The following SLC7A14 variants were observed in gnomAD, a reference collection of about 807,000 sequenced individuals.
SLC7A14 encodes gamma-aminobutyric acid transporter SLC7A14.
Under a neutral mutation model 60.2 loss-of-function variants are expected in SLC7A14, and 37 were observed. That is an observed-to-expected ratio of 0.61 (90% CI 0.47 to 0.81). The LOEUF is 0.81. Ranked by LOEUF, SLC7A14 falls within the 30% of genes least tolerant of loss-of-function variation. The pLI is 0.00. For missense variants in SLC7A14, 886 were observed against 982.7 expected, an observed-to-expected ratio of 0.90 and a Z score of 1.32; for synonymous variants, 399 against 395.8, an observed-to-expected ratio of 1.01 and a Z score of -0.10.
chr3:170,563,417 G>GTTTTTTTTTTTT (rs67991294), intron 1 of SLC7A14, among the ~76,000 whole-genome samples: 1 of 111,908 alleles, frequency 8.9e-6, no homozygotes, highest in Non-Finnish European at 1.9e-5. Flanking sequence ...TTGTTTGTTT[G>GTTTTTTTTTTTT]TTTTTTTTTT....
intron 2 of SLC7A14, among the ~76,000 whole-genome samples, chr3:170,521,377 G>C (rs575449908): frequency 1.3e-5 from 2 of 152,280 alleles, no homozygotes; most frequent in African/African-American, 4.8e-5. Flanking sequence ...CCATTATGTT[G>C]GTGCAAAAGT....
At position 170,467,282 on chromosome 3, in the gene SLC7A14, C is replaced by T. The variant is rs751687361; in HGVS notation, c.2089G>A (p.Asp697Asn). 5.0e-6 allele frequency: 8 copies of T among 1,614,120 alleles called. No homozygotes were observed. In the East Asian group the frequency reaches 8.9e-5, roughly 18 times the overall value. ...ALHQSTYQRY[D>N]VDDPFSVEEG... ...TCCACTGAGAAGGGGTCATCCACGT[C>T]GTAGCGTTGGTACGTGCTTTGGTGC... The change falls in exon 8 of 8, where the codon GAC (aspartate) becomes AAC (asparagine). Residue 697 changes from aspartate (D) to asparagine (N), a missense_variant. Asp to Asn is a conservative substitution (Grantham distance 23, BLOSUM62 1). Transcript: ENST00000231706.
chr3:170,476,559 T>C (rs1282550535), intron 7 of SLC7A14, among the ~76,000 whole-genome samples: 1 of 152,218 alleles, frequency 6.6e-6, no homozygotes, highest in Non-Finnish European at 1.5e-5. Context: ...CTCTGCCTGA[T>C]AGCTGGAAGG....
chr3:170,530,093 G>A (rs1435641388), intron 1 of SLC7A14, among the ~76,000 whole-genome samples: 3 of 152,158 alleles, frequency 2.0e-5, no homozygotes, highest in East Asian at 3.8e-4. Flanking sequence ...AGCACAAATT[G>A]CAAAAACCGC....
intron 1 of SLC7A14, among the ~76,000 whole-genome samples, chr3:170,574,712 G>A (rs1276020833): frequency 1.3e-5 from 2 of 152,236 alleles, no homozygotes; most frequent in Non-Finnish European, 2.9e-5. Context: ...ATGAACCTCA[G>A]AGCACATGCA....
intron 1 of SLC7A14, among the ~76,000 whole-genome samples, chr3:170,561,605 T>C (rs1194753254): frequency 6.6e-6 from 1 of 152,246 alleles, no homozygotes; most frequent in African/African-American, 2.4e-5. Flanking sequence ...TGAAAAATGC[T>C]ACATGGAAAA....
At chr3:170,514,807 A>G (rs1420519407) in intron 2 of SLC7A14, among the ~76,000 whole-genome samples, 1 of 152,220 alleles carries the variant, frequency 6.6e-6, no homozygotes. Context: ...AAACTGGCCA[A>G]TACTCTTGGT....
chr3:170,571,174 C>A (rs1330553117), intron 1 of SLC7A14, among the ~76,000 whole-genome samples: 1 of 152,198 alleles, frequency 6.6e-6, no homozygotes, highest in African/African-American at 2.4e-5. Flanking sequence ...CTTCTGCCAT[C>A]AGTTCTCCCA....
rs71176570 is a variant in SLC7A14, at chr3:170,512,654, A to ATTTTTTTTTTTT, written c.305-11321_305-11310dup. 4.0e-4 allele frequency among the ~76,000 whole-genome samples: 25 copies of ATTTTTTTTTTTT among 63,166 alleles called. 1 individual carries two copies. Among genetic ancestry groups the ATTTTTTTTTTTT allele is most frequent in the Admixed American group, 5.4e-4 (2 of 3,672 alleles). The allele number at this position is 63,166 out of a possible 152,430, so 41.4% of individuals were successfully genotyped here. ...TATAGGGCACATGTGTACAATTTGCATTTTTTTTTTTTTTTTTTTTTTTTT... is the reference window on the plus strand; with the variant it reads ...TATAGGGCACATGTGTACAATTTGCATTTTTTTTTTTTTTTTTTTTTTTTTTTTTTTTTTTTT... On this transcript the variant is annotated intron_variant, in intron 2 of 7. Transcript: ENST00000231706.
chr3:170,469,389 G>C (rs1198533137), intron 7 of SLC7A14, among the ~76,000 whole-genome samples: 1 of 152,096 alleles, frequency 6.6e-6, no homozygotes, highest in African/African-American at 2.4e-5. Context: ...CAGATTTATA[G>C]TCCTAATTGG....
At chr3:170,494,166 AGATCTGTGTCTTT>A (rs1219252432) in intron 4 of SLC7A14, among the ~76,000 whole-genome samples, 16 of 152,240 alleles carry the variant, frequency 1.1e-4, no homozygotes, top group Non-Finnish European at 2.1e-4. Context: ...CTTACCATCT[AGATCTGTGTCTTT>A]AACTTTTCTA....
At chr3:170,548,876 A>C (rs1454807492) in intron 1 of SLC7A14, among the ~76,000 whole-genome samples, 2 of 119,758 alleles carry the variant, frequency 1.7e-5, no homozygotes, top group Non-Finnish European at 4.0e-5. Flanking sequence ...TTATGTAATA[A>C]ATTAATTAAT....
At position 170,498,780 on chromosome 3, in the gene SLC7A14, C is replaced by T. The variant is rs1712495843; in HGVS notation, c.646G>A (p.Val216Ile). 6.2e-7 allele frequency: 1 copy of T among 1,614,074 alleles called. No individual in the cohort carries two copies. The highest frequency in any genetic ancestry group is 1.3e-5 in the African/African-American group (1 of 74,922). ...ACTGCCAGGTTCAGCACATTGAGAA[C>T]ATTGTTGAAGCCTATGGAATTCTTC... ...GVKNSIGFNN[V>I]LNVLNLAVWV... Residue 216 changes from valine to isoleucine, a missense_variant, in exon 4 of 8, where the codon GTT becomes ATT. Val to Ile is a conservative substitution (Grantham distance 29, BLOSUM62 3). Transcript: ENST00000231706.
At chr3:170,576,821 G>C (rs937759169) in intron 1 of SLC7A14, among the ~76,000 whole-genome samples, 6 of 152,154 alleles carry the variant, frequency 3.9e-5, no homozygotes, top group Non-Finnish European at 5.9e-5. Flanking sequence ...AAAGTCAGTA[G>C]TAACTCCCCT....
Position 170,585,180 on chromosome 3 carries a change from A to C in SLC7A14, c.-153+731T>G, listed in dbSNP as rs1333447176. Reference sequence around the variant, plus strand: ...GCTTTGGAATGGGAGAAGAGAGGAGACTGAGGGTTGAAGCAGTGCAGGAGA... The same window carrying C: ...GCTTTGGAATGGGAGAAGAGAGGAGCCTGAGGGTTGAAGCAGTGCAGGAGA... On this transcript the variant is annotated intron_variant, in intron 1 of 7. Transcript: ENST00000231706. This position sits in a 1 kb window ranked among gnomAD's most constrained non-coding sequence, Gnocchi z 5.1. Among the ~76,000 whole-genome samples, 1 of 151,984 alleles carries C rather than the reference A, an allele frequency of 6.6e-6. No homozygotes were observed. The highest frequency in any genetic ancestry group is 1.9e-4 in the East Asian group (1 of 5,150).
At chr3:170,491,441 A>T (rs564176411) in intron 4 of SLC7A14, among the ~76,000 whole-genome samples, 1,885 of 152,338 alleles carry the variant, frequency 0.012, 41 homozygotes, top group African/African-American at 0.043. Context: ...GTTCTACCAC[A>T]TTAGGCAGTC....
At chr3:170,479,639 A>G (rs1232662418) in intron 7 of SLC7A14, among the ~76,000 whole-genome samples, 1 of 152,252 alleles carries the variant, frequency 6.6e-6, no homozygotes, top group African/African-American at 2.4e-5. Context: ...GAAAATCAGT[A>G]AGGATGGTGG....
chr3:170,505,373 C>T lies in SLC7A14; in HGVS notation c.305-4028G>A, dbSNP rs57211030. Among the ~76,000 whole-genome samples the T allele has an allele frequency of 4.6e-3, 699 of 152,288 alleles. 4 individuals are homozygous for T. Among genetic ancestry groups the T allele is most frequent in the African/African-American group, 0.016 (655 of 41,546 alleles). Reference sequence around the variant, plus strand: ...CGTTGCGTCTCCTAATGTACGCATGCCCCATCATTCACATGTTGAAATAAA... The same window carrying T: ...CGTTGCGTCTCCTAATGTACGCATGTCCCATCATTCACATGTTGAAATAAA... On this transcript the variant is annotated intron_variant, in intron 2 of 7. Transcript: ENST00000231706.
At chr3:170,528,807 G>A (rs866713041) in intron 1 of SLC7A14, among the ~76,000 whole-genome samples, 3 of 152,048 alleles carry the variant, frequency 2.0e-5, no homozygotes, top group South Asian at 2.1e-4. Flanking sequence ...AAAGATTTTC[G>A]TATTGGCAAG....
Sources: gnomAD v4.1 joint callset for allele counts (sites outside exome capture counted in the v4.1 genomes callset) on GRCh38, gnomAD v4.1.1 for gene constraint, Gnocchi (gnomAD v3.1) non-coding constraint, MANE v1.5 for transcripts, NCBI Gene and HGNC (gene_info 2026-07-23, HGNC 2026-07-21) for gene names.